MAGEA11: variants seen among roughly 807,000 people sequenced by gnomAD.
The protein encoded by MAGEA11 is melanoma-associated antigen 11.
A neutral mutation model predicts 8.4 loss-of-function variants in MAGEA11; 1 was observed. The observed-to-expected ratio is 0.12, with a 90% CI of 0.04 to 0.57. The LOEUF (loss-of-function observed/expected upper bound fraction) is 0.57. Ranked by LOEUF, MAGEA11 falls within the 20% of genes least tolerant of loss-of-function variation. The pLI, the probability that MAGEA11 is intolerant of heterozygous loss-of-function variation, is 0.91. For missense variants in MAGEA11, 209 were observed against 317.3 expected (o/e 0.66, Z 2.59); for synonymous variants, 127 against 119.3 (o/e 1.06, Z -0.42).
intron 4 of MAGEA11, 35 bp downstream of exon 4, chrX:149,715,712 T>C: frequency 6.7e-6 from 8 of 1,197,460 alleles, no homozygotes; most frequent in Non-Finnish European, 9.0e-6. Context: ...CCATGGTTCA[T>C]ATCTCATCTG....
intron 1 of MAGEA11, among the ~76,000 whole-genome samples, chrX:149,691,941 A>C (rs1238947435): frequency 1.8e-5 from 2 of 112,765 alleles, no homozygotes; most frequent in Non-Finnish European, 3.7e-5. Flanking sequence ...GTTACAAGAT[A>C]AACTTAGAAA....
upstream of MAGEA11, chrX:149,688,679 CAT>C (rs2090297338): frequency 9.3e-5 from 17 of 181,982 alleles, no homozygotes; most frequent in Non-Finnish European, 1.7e-4. Context: ...TATACATATA[CAT>C]ATACATATAC....
chrX:149,715,624 C>T lies in MAGEA11; in HGVS notation c.213C>T (p.Asn71=). The T allele has an allele frequency of 8.3e-7, 1 of 1,209,201 alleles. No individual in the cohort carries two copies. The highest frequency in any genetic ancestry group is 1.1e-6 in the Non-Finnish European group (1 of 893,495). ...PRVQVFREQA[N]LEDRSPRRTQ... is the part of the protein sequence containing the mutation. The stretch of plus-strand genomic sequence containing the variant: ...TTCAGGTTTTTAGAGAACAGGCCAA[C>T]CTGGAGGACAGGAGTCCCAGGAGAA... Residue 71 remains asparagine, a synonymous_variant, in exon 4 of 5, where the codon AAC becomes AAT. Coordinates refer to ENST00000355220, the MANE Select transcript of MAGEA11 (RefSeq NM_005366.5).
At chrX:149,712,915 G>T (rs1358870440) in intron 1 of MAGEA11, among the ~76,000 whole-genome samples, 1 of 112,504 alleles carries the variant, frequency 8.9e-6, no homozygotes, top group Non-Finnish European at 1.9e-5. Flanking sequence ...GTCAGTCCTG[G>T]GAAGTTCCTG....
At chrX:149,702,524 C>G (rs2090358855) in intron 1 of MAGEA11, among the ~76,000 whole-genome samples, 1 of 110,713 alleles carries the variant, frequency 9.0e-6, no homozygotes, top group Non-Finnish European at 1.9e-5. Context: ...TATATCTTTT[C>G]CCATATACTT....
chrX:149,706,832 G>C (rs1602934541), intron 1 of MAGEA11, among the ~76,000 whole-genome samples: 1 of 111,881 alleles, frequency 8.9e-6, no homozygotes, highest in East Asian at 2.8e-4. Context: ...ATCCCAACAG[G>C]TACAATTAGG....
chrX:149,691,391 G>A (rs968116950), intron 1 of MAGEA11, among the ~76,000 whole-genome samples: 10 of 111,391 alleles, frequency 9.0e-5, no homozygotes, highest in African/African-American at 3.3e-4. Context: ...TACAAAATTG[G>A]TCATTGTGAT....
intron 1 of MAGEA11, among the ~76,000 whole-genome samples, chrX:149,692,601 T>C (rs782452153): frequency 1.8e-5 from 2 of 111,943 alleles, no homozygotes; most frequent in African/African-American, 3.2e-5. Flanking sequence ...TTCAGTCTTA[T>C]GGCCTCCCAA....
At chrX:149,688,604 A>G (rs1256809287), upstream of MAGEA11, among the ~76,000 whole-genome samples, 8 of 111,682 alleles carry the variant, frequency 7.2e-5, no homozygotes, top group East Asian at 2.2e-3. Flanking sequence ...AACAAGATCT[A>G]TAAGAATGTC....
intron 1 of MAGEA11, among the ~76,000 whole-genome samples, chrX:149,695,555 A>G (rs2090327323): frequency 8.9e-6 from 1 of 112,321 alleles, no homozygotes; most frequent in African/African-American, 3.2e-5. Context: ...CAATACCACC[A>G]TATAATGACA....
chrX:149,700,830 C>T (rs1480687844), intron 1 of MAGEA11, among the ~76,000 whole-genome samples: 1 of 100,694 alleles, frequency 9.9e-6, no homozygotes. Context: ...GTTTTTTGTT[C>T]TTGCGATAGT....
At chrX:149,688,314 C>T (rs1489330970), upstream of MAGEA11, 1 of 111,679 alleles carries the variant, frequency 9.0e-6, no homozygotes, top group Non-Finnish European at 1.9e-5. Context: ...TCTTTATGAC[C>T]AGCTCTAAGA....
At chrX:149,702,726 T>C (rs1210456990) in intron 1 of MAGEA11, among the ~76,000 whole-genome samples, 1 of 111,575 alleles carries the variant, frequency 9.0e-6, no homozygotes, top group African/African-American at 3.3e-5. Flanking sequence ...ATTTACTCTT[T>C]ATATTACATA....
chrX:149,702,807 A>T (rs1260513158), intron 1 of MAGEA11, among the ~76,000 whole-genome samples: 1 of 111,600 alleles, frequency 9.0e-6, no homozygotes, highest in Non-Finnish European at 1.9e-5. Flanking sequence ...CTAGTCTACC[A>T]TTTTAATCCC....
At chrX:149,698,813 C>T (rs1236107694) in intron 1 of MAGEA11, among the ~76,000 whole-genome samples, 1 of 110,801 alleles carries the variant, frequency 9.0e-6, no homozygotes, top group Non-Finnish European at 1.9e-5. Context: ...GTTCCCCTCC[C>T]TGTGTTTTCA....
Position 149,716,880 on chromosome X carries a change from T to C in MAGEA11, c.*104T>C, listed in dbSNP as rs947606263. ...TCCTGTGTGAAATCAGGCCCATTCT[T>C]CCCTCTGTGTTTGATGAGAGAAGTC... On this transcript the variant is annotated 3_prime_UTR_variant, in exon 5 of 5. Coordinates refer to ENST00000355220, the MANE Select transcript of MAGEA11 (RefSeq NM_005366.5). 29 of 802,577 alleles carry C rather than the reference T, an allele frequency of 3.6e-5. No individual in the cohort carries two copies. In the African/African-American group the frequency reaches 5.2e-4, roughly 14 times the overall value. 66.1% of individuals were successfully genotyped at this position (802,577 alleles called of 1,213,427 possible). A position where few individuals can be genotyped will look rare whatever the true frequency, so the allele number is the denominator to read the frequency against.
At chrX:149,695,662 T>C (rs1389949598) in intron 1 of MAGEA11, among the ~76,000 whole-genome samples, 3 of 112,212 alleles carry the variant, frequency 2.7e-5, no homozygotes, top group Non-Finnish European at 5.6e-5. Context: ...ACTTCGTTAG[T>C]CACTAGGGAA....
chrX:149,708,656 G>A (rs1254115980), upstream of MAGEA11, among the ~76,000 whole-genome samples: 1 of 110,832 alleles, frequency 9.0e-6, no homozygotes, highest in Non-Finnish European at 1.9e-5. Flanking sequence ...GGTCTAGGGA[G>A]GCTGGTCTAT....
intron 1 of MAGEA11, among the ~76,000 whole-genome samples, chrX:149,689,877 A>G (rs1374721405): frequency 8.9e-6 from 1 of 112,081 alleles, no homozygotes; most frequent in Non-Finnish European, 1.9e-5. Context: ...GTAGGCACAC[A>G]CTGTTCTTCT....
Sources: gnomAD v4.1 joint callset for allele counts (sites outside exome capture counted in the v4.1 genomes callset) on GRCh38, gnomAD v4.1.1 for gene constraint, MANE v1.5 for transcripts, NCBI Gene and HGNC (gene_info 2026-07-23, HGNC 2026-07-21) for gene names.